Variants in PTPRD observed in about 807,000 individuals in gnomAD.
PTPRD encodes the protein receptor-type tyrosine-protein phosphatase delta.
PTPRD carries 34 observed loss-of-function variants against 214.5 expected under a neutral mutation model. The ratio of observed to expected loss-of-function variants is 0.16; its 90% CI spans 0.12 to 0.21. The LOEUF (loss-of-function observed/expected upper bound fraction) is 0.21. Ranked by LOEUF, PTPRD falls within the 10% of genes least tolerant of loss-of-function variation. The probability of loss-of-function intolerance (pLI) is 1.00; values close to 1 mark genes in which losing one functional copy is unlikely to be tolerated. For missense variants in PTPRD, 2,545 were observed against 2,398.7 expected (o/e 1.06, Z -1.27); for synonymous variants, 1,128 against 845.7 (o/e 1.33, Z -5.79).
At chr9:8,797,733 GAT>G (rs2096473206) in intron 11 of PTPRD, among the ~76,000 whole-genome samples, 1 of 152,136 alleles carries the variant, frequency 6.6e-6, no homozygotes, top group Admixed American at 6.6e-5. Flanking sequence ...TTGTATTAAA[GAT>G]ATTTGCATAT....
intron 11 of PTPRD, among the ~76,000 whole-genome samples, chr9:8,772,784 A>G (rs1241400514): frequency 2.0e-5 from 3 of 151,890 alleles, no homozygotes; most frequent in Non-Finnish European, 4.4e-5. Flanking sequence ...TTCCTTCTAT[A>G]TCTGGTAATT....
intron 8 of PTPRD, among the ~76,000 whole-genome samples, chr9:9,530,197 G>C (rs751853337): frequency 2.0e-5 from 3 of 151,868 alleles, no homozygotes; most frequent in African/African-American, 7.3e-5. Context: ...ATAATACAAA[G>C]GATCAATGAA....
chr9:9,814,372 A>G (rs1182237905), intron 5 of PTPRD, among the ~76,000 whole-genome samples: 3 of 151,626 alleles, frequency 2.0e-5, no homozygotes, highest in Non-Finnish European at 4.4e-5. Context: ...AAATGACTTC[A>G]TTTTATATAG....
chr9:9,466,282 C>T (rs1304615821), intron 8 of PTPRD, among the ~76,000 whole-genome samples: 1 of 152,096 alleles, frequency 6.6e-6, no homozygotes, highest in Admixed American at 6.6e-5. Flanking sequence ...CTACTTCAGA[C>T]TGGGCAACAG....
chr9:9,597,845 T>G (rs2093471721), intron 7 of PTPRD, among the ~76,000 whole-genome samples: 1 of 152,038 alleles, frequency 6.6e-6, no homozygotes, highest in Admixed American at 6.6e-5. Context: ...TAATAAGATG[T>G]TAAATAAAAT....
chr9:10,418,997 C>A (rs894709544), intron 2 of PTPRD, among the ~76,000 whole-genome samples: 1 of 151,840 alleles, frequency 6.6e-6, no homozygotes, highest in Non-Finnish European at 1.5e-5. Context: ...TCTCATTACA[C>A]TGGGCAATTT....
chr9:10,348,225 A>C (rs190124180), intron 2 of PTPRD, among the ~76,000 whole-genome samples: 1 of 152,240 alleles, frequency 6.6e-6, no homozygotes, highest in East Asian at 1.9e-4. Flanking sequence ...TACTTTTTTT[A>C]AGGCAATGTT....
chr9:10,355,139 C>T (rs2097253234), intron 2 of PTPRD, among the ~76,000 whole-genome samples: 1 of 151,942 alleles, frequency 6.6e-6, no homozygotes, highest in Admixed American at 6.6e-5. Context: ...ATGTAAAATT[C>T]TACAAAATTT....
intron 2 of PTPRD, among the ~76,000 whole-genome samples, chr9:10,488,829 G>A (rs2099149829): frequency 2.0e-5 from 3 of 152,008 alleles, no homozygotes; most frequent in African/African-American, 2.4e-5. Context: ...AATATTACCC[G>A]ACTTGGGACT....
intron 3 of PTPRD, among the ~76,000 whole-genome samples, chr9:10,037,370 A>G (rs2097203987): frequency 1.3e-5 from 2 of 151,886 alleles, no homozygotes; most frequent in Admixed American, 6.6e-5. Context: ...TAACAATGAG[A>G]TCTGGTTGTT....
At chr9:9,648,070 G>A (rs1291172130) in intron 7 of PTPRD, among the ~76,000 whole-genome samples, 1 of 151,930 alleles carries the variant, frequency 6.6e-6, no homozygotes, top group Non-Finnish European at 1.5e-5. Flanking sequence ...ACCAAGTTAC[G>A]ACAATTGGAC....
At chr9:8,838,599 G>C (rs368049899) in intron 11 of PTPRD, among the ~76,000 whole-genome samples, 26 of 151,794 alleles carry the variant, frequency 1.7e-4, no homozygotes, top group African/African-American at 5.6e-4. Flanking sequence ...TAAATAACAG[G>C]TTATTTAGTT....
At chr9:8,365,705 CCT>C (rs200909988) in intron 39 of PTPRD, among the ~76,000 whole-genome samples, 1,748 of 152,190 alleles carry the variant, frequency 0.011, 24 homozygotes, top group African/African-American at 0.041. Flanking sequence ...TGGAATGGCC[CCT>C]GACTTGTTTT....
intron 7 of PTPRD, among the ~76,000 whole-genome samples, chr9:9,707,754 G>A (rs989208764): frequency 6.6e-6 from 1 of 151,792 alleles, no homozygotes; most frequent in Non-Finnish European, 1.5e-5. Flanking sequence ...TCTTATTTTT[G>A]ATGATAGAGT....
Position 9,339,669 on chromosome 9 carries a change from C to A in PTPRD, c.-203+57780G>T, listed in dbSNP as rs991453633. 1.3e-5 allele frequency among the ~76,000 whole-genome samples: 2 copies of A among 152,018 alleles called. 1 individual carries two copies. Among genetic ancestry groups the A allele is most frequent in the South Asian group, 4.1e-4 (2 of 4,822 alleles). On this transcript the variant is annotated intron_variant, in intron 9 of 45. Transcript: ENST00000381196. The stretch of plus-strand genomic sequence containing the variant: ...CAATTATTTACATCAACTTAATTAC[C>A]AAGAAACACTTAGAATAGCTACTGA...
chr9:10,130,729 A>G (rs377322656), intron 3 of PTPRD, among the ~76,000 whole-genome samples: 1 of 152,178 alleles, frequency 6.6e-6, no homozygotes, highest in Non-Finnish European at 1.5e-5. Context: ...TGAACAAGAA[A>G]GGGTATTATG....
chr9:8,376,429 GA>G (rs569649871), intron 38 of PTPRD, among the ~76,000 whole-genome samples, 177 bp downstream of exon 38: 291 of 152,128 alleles, frequency 1.9e-3, no homozygotes, highest in African/African-American at 6.4e-3. Flanking sequence ...TATATTTACT[GA>G]TAAATCGCCA....
intron 3 of PTPRD, among the ~76,000 whole-genome samples, chr9:10,139,849 G>A (rs2098970662): frequency 6.6e-6 from 1 of 152,100 alleles, no homozygotes; most frequent in Admixed American, 6.6e-5. Flanking sequence ...GCAGAAGAAT[G>A]AAAGTGAATC....
intron 11 of PTPRD, among the ~76,000 whole-genome samples, chr9:8,933,180 G>A (rs6477362): frequency 0.12 from 17,969 of 151,628 alleles, 1,580 homozygotes; most frequent in East Asian, 0.44. Context: ...GCTTCTGCTC[G>A]CCCTTCATGG....
Sources: allele counts gnomAD v4.1 joint callset (sites outside exome capture counted in the v4.1 genomes callset), GRCh38; gene constraint gnomAD v4.1.1; transcripts MANE v1.5; gene names NCBI Gene and HGNC (gene_info 2026-07-23, HGNC 2026-07-21).